The following ABCG2 variants were observed in gnomAD, a reference collection of about 807,000 sequenced individuals.
ABCG2 encodes the protein ATP binding cassette subfamily G member 2 (JR blood group).
ABCG2 carries 80 observed loss-of-function variants against 73.5 expected under a neutral mutation model. The observed-to-expected ratio is 1.09, with a 90% CI of 0.91 to 1.31. The LOEUF (loss-of-function observed/expected upper bound fraction) is 1.31, where lower values mean the gene tolerates loss of function less well. Ranked by LOEUF, ABCG2 falls within the 50% of genes most tolerant of loss-of-function variation. ABCG2 has a pLI of 0.00. For synonymous variants in ABCG2, 269 were observed against 282.4 expected (o/e 0.95, Z 0.48); for missense variants, 796 against 786.2 (o/e 1.01, Z -0.15).
chr4:88,121,431 C>T (rs543058683), intron 6 of ABCG2, among the ~76,000 whole-genome samples: 12 of 152,228 alleles, frequency 7.9e-5, no homozygotes, highest in African/African-American at 2.6e-4. Context: ...CCCAACCCCC[C>T]TACACCCTCA....
intron 1 of ABCG2, among the ~76,000 whole-genome samples, chr4:88,165,709 A>C (rs1015539321): frequency 8.5e-5 from 13 of 152,162 alleles, no homozygotes; most frequent in Admixed American, 7.9e-4. Flanking sequence ...CACTGTCTCT[A>C]CTAAAAATAC....
chr4:88,191,192 C>T (rs540724794), intron 1 of ABCG2, among the ~76,000 whole-genome samples: 3 of 139,066 alleles, frequency 2.2e-5, no homozygotes, highest in East Asian at 2.6e-4. Context: ...TGCACTGGCG[C>T]GATTTTGGCT....
In ABCG2 at chr4:88,208,208, C is replaced by T. The variant is rs1048052254; in HGVS notation, c.-20+22786G>A. Among the ~76,000 whole-genome samples the T allele has an allele frequency of 2.6e-5, 4 of 152,176 alleles. No individual in the cohort carries two copies. The East Asian group carries it at 7.7e-4, about 29-fold the overall frequency. On this transcript the variant is annotated intron_variant, in intron 1 of 15. Coordinates refer to the ABCG2 transcript ENST00000515655. ...TAGACCACCTCCATGTTCAGAGATT[C>T]ACCGAAACAATTTACATAATTCAGT...
chr4:88,181,542 G>A (rs1007915080), intron 1 of ABCG2, among the ~76,000 whole-genome samples: 3 of 152,202 alleles, frequency 2.0e-5, no homozygotes, highest in Non-Finnish European at 2.9e-5. Context: ...ATCAGCCTAG[G>A]CAACAGAGGG....
Position 88,097,533 on chromosome 4 carries a change from TG to T in ABCG2, c.1566del (p.Met523TrpfsTer5). ...TLMMVAYSAS[S>X]MALAIAAGQS... ...TGACCTGCTGCTATGGCCAGTGCCA[TG>T]GAACTGGCTGAATAAGCCACCATCA... On this transcript the variant is annotated frameshift_variant, in exon 13 of 16. Transcript: ENST00000237612. LOFTEE classifies it high-confidence loss of function. 3 of 1,614,078 alleles carry T rather than the reference TG, an allele frequency of 1.9e-6. No individual in the cohort carries two copies. The highest frequency in any genetic ancestry group is 2.5e-6 in the Non-Finnish European group (3 of 1,180,030).
intron 1 of ABCG2, among the ~76,000 whole-genome samples, chr4:88,149,606 C>G (rs1726302602): frequency 6.6e-6 from 1 of 152,138 alleles, no homozygotes; most frequent in Non-Finnish European, 1.5e-5. Flanking sequence ...AATGCCAGCA[C>G]TTTGGGAGGC....
intron 15 of ABCG2, among the ~76,000 whole-genome samples, chr4:88,093,724 T>C (rs1721803713): frequency 6.6e-6 from 1 of 152,070 alleles, no homozygotes; most frequent in African/African-American, 2.4e-5. Context: ...AAAGAGTAAT[T>C]TGTCCTGTTA....
At chr4:88,183,140 C>G (rs937946021) in intron 1 of ABCG2, among the ~76,000 whole-genome samples, 4 of 133,150 alleles carry the variant, frequency 3.0e-5, no homozygotes, top group Non-Finnish European at 6.6e-5. Flanking sequence ...AAATAAACAA[C>G]CAAACTATGC....
chr4:88,167,646 G>A (rs1188537522), intron 1 of ABCG2, among the ~76,000 whole-genome samples: 9 of 152,138 alleles, frequency 5.9e-5, no homozygotes, highest in Admixed American at 5.9e-4. Context: ...AAAGTGCTGG[G>A]ATTATAGGCA....
intron 1 of ABCG2, among the ~76,000 whole-genome samples, chr4:88,177,672 G>T (rs1728064270): frequency 6.6e-6 from 1 of 152,080 alleles, no homozygotes; most frequent in African/African-American, 2.4e-5. Flanking sequence ...CACTGAAGAA[G>T]GTAGGAAAGA....
At chr4:88,094,170 G>GT (rs1721832751) in intron 15 of ABCG2, among the ~76,000 whole-genome samples, 1 of 152,078 alleles carries the variant, frequency 6.6e-6, no homozygotes, top group Non-Finnish European at 1.5e-5. Flanking sequence ...AGAAGTATCC[G>GT]TGAGTTCAGG....
rs544997699 is a variant in ABCG2, at chr4:88,098,441, A to AT, written c.1493-835dup. Among the ~76,000 whole-genome samples, 503 of 149,080 alleles carry AT rather than the reference A, an allele frequency of 3.4e-3. 1 individual carries two copies. Among genetic ancestry groups the AT allele is most frequent in the African/African-American group, 0.01 (420 of 40,690 alleles). On this transcript the variant is annotated intron_variant, in intron 12 of 15. Coordinates refer to ENST00000237612, the MANE Select transcript of ABCG2 (RefSeq NM_004827.3). ...GAGTCTCCACATCTACCAAACAAGT[A>AT]TTTTTTTTTTAATTAACAAGCCCCA...
At chr4:88,153,291 A>C (rs1335391078) in intron 1 of ABCG2, among the ~76,000 whole-genome samples, 1 of 151,972 alleles carries the variant, frequency 6.6e-6, no homozygotes. Context: ...GATAGTAGGG[A>C]TGACAAGTTT....
intron 5 of ABCG2, among the ~76,000 whole-genome samples, chr4:88,128,910 T>C (rs368248681): frequency 6.6e-6 from 1 of 152,064 alleles, no homozygotes; most frequent in Non-Finnish European, 1.5e-5. Flanking sequence ...CCCAGAACTT[T>C]AGTGAAAGAT....
At chr4:88,149,981 A>G (rs1726338109) in intron 1 of ABCG2, among the ~76,000 whole-genome samples, 1 of 152,098 alleles carries the variant, frequency 6.6e-6, no homozygotes, top group South Asian at 2.1e-4. Flanking sequence ...TATGAAAAAT[A>G]TCAGTCAACA....
At chr4:88,208,212 G>A (rs949841655) in intron 1 of ABCG2, among the ~76,000 whole-genome samples, 2 of 152,104 alleles carry the variant, frequency 1.3e-5, no homozygotes, top group Admixed American at 1.3e-4. Context: ...GAGATTCACC[G>A]AAACAATTTA....
chr4:88,175,868 T>C (rs1041997411), intron 1 of ABCG2, among the ~76,000 whole-genome samples: 2 of 152,238 alleles, frequency 1.3e-5, no homozygotes, highest in Admixed American at 1.3e-4. Flanking sequence ...TAATTTGTAT[T>C]CTTCTATTTT....
chr4:88,122,155 G>A (rs1724052694), intron 5 of ABCG2, among the ~76,000 whole-genome samples: 1 of 152,028 alleles, frequency 6.6e-6, no homozygotes, highest in African/African-American at 2.4e-5. Context: ...TTTTCCCATG[G>A]TATTCACAAC....
At chr4:88,175,416 T>C (rs1237399843) in intron 1 of ABCG2, among the ~76,000 whole-genome samples, 1 of 152,240 alleles carries the variant, frequency 6.6e-6, no homozygotes, top group African/African-American at 2.4e-5. Flanking sequence ...GCTAAATTTA[T>C]AATTCCTTCT....
Sources: allele counts gnomAD v4.1 joint callset (sites outside exome capture counted in the v4.1 genomes callset), GRCh38; gene constraint gnomAD v4.1.1; transcripts MANE v1.5; gene names NCBI Gene and HGNC (gene_info 2026-07-23, HGNC 2026-07-21).